Variants in MALRD1 observed in about 807,000 individuals in gnomAD.
The protein encoded by MALRD1 is MAM and LDL receptor class A domain containing 1.
In MALRD1, 247 loss-of-function variants were observed where a neutral mutation model predicts 242.1. The observed-to-expected ratio is 1.02, with a 90% confidence interval of 0.92 to 1.13. The LOEUF (loss-of-function observed/expected upper bound fraction) is 1.13. MALRD1 is among the 50% of genes most tolerant of loss of function. The pLI, the probability that MALRD1 is intolerant of heterozygous loss-of-function variation, is 0.00. For missense variants in MALRD1, 2,989 were observed against 2,533.1 expected (o/e 1.18, Z -3.86); for synonymous variants, 995 against 866.6 (o/e 1.15, Z -2.60).
chr10:19,135,729 G>T (rs1833312421), intron 9 of MALRD1, among the ~76,000 whole-genome samples: 1 of 152,174 alleles, frequency 6.6e-6, no homozygotes, highest in South Asian at 2.1e-4. Flanking sequence ...ATAGTCCTCT[G>T]TAGCTCATGG....
intron 36 of MALRD1, among the ~76,000 whole-genome samples, chr10:19,688,214 G>A (rs971596104): frequency 1.3e-5 from 2 of 152,122 alleles, no homozygotes; most frequent in African/African-American, 2.4e-5. Flanking sequence ...CAGACGATGT[G>A]CCCGCCTTGG....
intron 28 of MALRD1, among the ~76,000 whole-genome samples, chr10:19,421,233 T>TTG (rs1476807283): frequency 6.6e-6 from 1 of 152,196 alleles, no homozygotes; most frequent in African/African-American, 2.4e-5. Context: ...GTGTGCATGT[T>TTG]TGTGCACACT....
intron 36 of MALRD1, among the ~76,000 whole-genome samples, chr10:19,669,440 C>T (rs1191483880): frequency 1.3e-5 from 2 of 152,142 alleles, no homozygotes; most frequent in Admixed American, 6.5e-5. Flanking sequence ...AGAAAGCCTA[C>T]AGGTTGTTAA....
At chr10:19,606,510 G>C (rs188863571) in intron 34 of MALRD1, among the ~76,000 whole-genome samples, 1 of 152,238 alleles carries the variant, frequency 6.6e-6, no homozygotes, top group African/African-American at 2.4e-5. Context: ...AGCAGGGTTA[G>C]AAAACAAGTA....
At chr10:19,312,817 T>G (rs895552308) in intron 21 of MALRD1, among the ~76,000 whole-genome samples, 1 of 151,510 alleles carries the variant, frequency 6.6e-6, no homozygotes, top group African/African-American at 2.4e-5. Context: ...AAATTTCCTT[T>G]CAGAAGAATC....
chr10:19,115,743 G>A (rs984706661), intron 5 of MALRD1, among the ~76,000 whole-genome samples: 4 of 152,040 alleles, frequency 2.6e-5, no homozygotes, highest in African/African-American at 9.7e-5. Flanking sequence ...AGGTGTGGTG[G>A]CACATACCTG....
intron 36 of MALRD1, among the ~76,000 whole-genome samples, chr10:19,655,257 T>G (rs1841087991): frequency 6.6e-6 from 1 of 152,020 alleles, no homozygotes; most frequent in Non-Finnish European, 1.5e-5. Context: ...TGGAGACTTT[T>G]TAAATTTCTG....
At chr10:19,347,582 T>C (rs1478335717) in intron 24 of MALRD1, among the ~76,000 whole-genome samples, 189 bp from the exon 25 acceptor site, 2 of 152,152 alleles carry the variant, frequency 1.3e-5, no homozygotes, top group African/African-American at 4.8e-5. Flanking sequence ...GAAATGAACT[T>C]ACAGAAGCCA....
At chr10:19,503,708 A>G (rs995908611) in intron 31 of MALRD1, among the ~76,000 whole-genome samples, 4 of 152,212 alleles carry the variant, frequency 2.6e-5, no homozygotes, top group African/African-American at 9.7e-5. Context: ...CAGTAAGACA[A>G]CTGTCACATC....
chr10:19,265,986 A>G (rs1554822485), intron 19 of MALRD1, among the ~76,000 whole-genome samples: 1 of 151,296 alleles, frequency 6.6e-6, no homozygotes, highest in Non-Finnish European at 1.5e-5. Flanking sequence ...TCTTTTTACC[A>G]TTTTTTGCTT....
At chr10:19,617,540 TTTTC>T (rs1327400392) in intron 36 of MALRD1, among the ~76,000 whole-genome samples, 1 of 151,994 alleles carries the variant, frequency 6.6e-6, no homozygotes, top group Non-Finnish European at 1.5e-5. Context: ...TCATTCAAGT[TTTTC>T]TTTCTTTAAA....
intron 18 of MALRD1, among the ~76,000 whole-genome samples, chr10:19,217,944 T>A (rs956835308): frequency 6.6e-6 from 1 of 152,174 alleles, no homozygotes; most frequent in Non-Finnish European, 1.5e-5. Context: ...GCATGCTAAA[T>A]GTTTGTTGAG....
chr10:19,208,722 C>T lies in MALRD1; in HGVS notation c.2579-546C>T, dbSNP rs544681912. Among the ~76,000 whole-genome samples the T allele has an allele frequency of 2.0e-5, 3 of 152,266 alleles. No homozygotes were observed. In the East Asian group the frequency reaches 5.8e-4, roughly 29 times the overall value. On this transcript the variant is annotated intron_variant, in intron 17 of 39. Transcript: ENST00000454679. Reference sequence around the variant, plus strand: ...ATGAAGTCAGCAATTTTACCGTGAGCCCCAGGTGATTCTTAACACATGATT... The same window carrying T: ...ATGAAGTCAGCAATTTTACCGTGAGTCCCAGGTGATTCTTAACACATGATT...
intron 14 of MALRD1, among the ~76,000 whole-genome samples, chr10:19,180,354 G>T (rs1195556814): frequency 6.6e-6 from 1 of 152,184 alleles, no homozygotes; most frequent in Non-Finnish European, 1.5e-5. Context: ...TTGGTAAGAA[G>T]AAAGTGTGAT....
intron 5 of MALRD1, among the ~76,000 whole-genome samples, chr10:19,105,171 G>A (rs1306523117): frequency 6.6e-6 from 1 of 151,878 alleles, no homozygotes. Flanking sequence ...CACCGTCCAT[G>A]CTATCCTCCC....
intron 18 of MALRD1, among the ~76,000 whole-genome samples, chr10:19,253,550 C>T (rs1839385036): frequency 6.6e-6 from 1 of 151,926 alleles, no homozygotes; most frequent in South Asian, 2.1e-4. Flanking sequence ...AAGTCCTGCA[C>T]TGGAAACAAA....
rs1390311950 is a variant in MALRD1, at chr10:19,352,210, A to T, written c.4354A>T (p.Ile1452Phe). The T allele has an allele frequency of 7.1e-6, 11 of 1,550,320 alleles. No homozygotes were observed. In the South Asian group the frequency reaches 1.2e-4, roughly 17 times the overall value. ...AGTTGGGAAAGGTCAGCGTGGAGAC[A>T]TTGCACTTGATGACATTGTGCTTAC... ...GRVGKGQRGD[I>F]ALDDIVLTEN... is the part of the protein sequence containing the mutation. The change falls in exon 26 of 40, where the codon ATT (isoleucine) becomes TTT (phenylalanine). Residue 1452 changes from isoleucine to phenylalanine, a missense_variant. Coordinates refer to ENST00000454679, the MANE Select transcript of MALRD1 (RefSeq NM_001142308.3).
intron 38 of MALRD1, among the ~76,000 whole-genome samples, chr10:19,702,401 G>A (rs756958495): frequency 6.6e-6 from 1 of 152,092 alleles, no homozygotes; most frequent in Non-Finnish European, 1.5e-5. Flanking sequence ...AATATTTCCT[G>A]CCATCCTGTC....
chr10:19,237,988 T>G (rs1838462381), intron 18 of MALRD1, among the ~76,000 whole-genome samples: 1 of 101,322 alleles, frequency 9.9e-6, no homozygotes, highest in African/African-American at 3.8e-5. Flanking sequence ...TAATTATATG[T>G]AATTTTATAC....
Sources: gnomAD v4.1 joint callset for allele counts (sites outside exome capture counted in the v4.1 genomes callset) on GRCh38, gnomAD v4.1.1 for gene constraint, MANE v1.5 for transcripts, NCBI Gene and HGNC (gene_info 2026-07-23, HGNC 2026-07-21) for gene names.